The following GREM2 variants were observed in gnomAD, a reference collection of about 807,000 sequenced individuals.
The protein encoded by GREM2 is gremlin-2.
Under a neutral mutation model 14.2 loss-of-function variants are expected in GREM2, and 11 were observed. That is an observed-to-expected ratio of 0.78 (90% CI 0.49 to 1.28). The LOEUF (loss-of-function observed/expected upper bound fraction) is 1.28. GREM2 is among the 50% of genes most tolerant of loss of function. The pLI, the probability that GREM2 is intolerant of heterozygous loss-of-function variation, is 0.00. For synonymous variants in GREM2, 98 were observed against 97.6 expected (o/e 1.00, Z -0.02); for missense variants, 210 against 218.5 (o/e 0.96, Z 0.24).
At chr1:240,590,434 T>C (rs1679685327) in intron 1 of GREM2, among the ~76,000 whole-genome samples, 1 of 147,972 alleles carries the variant, frequency 6.8e-6, no homozygotes, top group Non-Finnish European at 1.5e-5. Flanking sequence ...TTTCTTTCTT[T>C]TTTTTTTTTT....
At chr1:240,597,211 A>T (rs1182921625) in intron 1 of GREM2, among the ~76,000 whole-genome samples, 4 of 152,236 alleles carry the variant, frequency 2.6e-5, no homozygotes, top group Admixed American at 2.0e-4. Context: ...TCGGGTGTGC[A>T]ACAGAGCTCA....
chr1:240,543,260 TGTC>T lies in GREM2; in HGVS notation c.-1-49787_-1-49785del, dbSNP rs1678638458. 2.0e-5 allele frequency among the ~76,000 whole-genome samples: 3 copies of T among 152,242 alleles called. No homozygotes were observed. The highest frequency in any genetic ancestry group is 1.3e-4 in the Admixed American group (2 of 15,284). ...AAATGTGTTAGGTAATCTATTAGTC[TGTC>T]GTCATGCTGCTAATAAAAAGACATA... is the stretch of plus-strand genomic sequence containing the variant. On this transcript the variant is annotated intron_variant, in intron 1 of 1. Transcript: ENST00000318160. This position sits in a 1 kb window ranked among gnomAD's most constrained non-coding sequence, Gnocchi z 6.4.
chr1:240,606,179 A>T lies in GREM2; in HGVS notation c.-2+5705T>A, dbSNP rs1199781240. On this transcript the variant is annotated intron_variant, in intron 1 of 1. Transcript: ENST00000318160. ...GCTGCAGCTGGATCTCAATAGATTC[A>T]GATCAGAAATAGTTCCTTAAGCATC... 3.3e-5 allele frequency among the ~76,000 whole-genome samples: 5 copies of T among 152,214 alleles called. No homozygotes were observed. In the East Asian group the frequency reaches 9.6e-4, roughly 29 times the overall value.
chr1:240,527,508 T>C (rs1678250288), intron 1 of GREM2, among the ~76,000 whole-genome samples: 1 of 152,226 alleles, frequency 6.6e-6, no homozygotes. Context: ...CATTTTATAA[T>C]CTGCTTCTCT....
chr1:240,532,687 A>AGATG (rs55736477), intron 1 of GREM2, among the ~76,000 whole-genome samples: 19 of 78,166 alleles, frequency 2.4e-4, no homozygotes, highest in East Asian at 1.5e-3. Context: ...ATAGATAGAT[A>AGATG]TATGGCAAGA....
Position 240,491,631 on chromosome 1 carries a change from C to T in GREM2, c.*1338G>A, listed in dbSNP as rs3748536. 2.0e-5 allele frequency: 3 copies of T among 152,544 alleles called. No homozygotes were observed. The highest frequency in any genetic ancestry group is 2.9e-5 in the Non-Finnish European group (2 of 68,012). The allele number at this position is 152,544 out of a possible 1,614,324, so 9.4% of individuals were successfully genotyped here. A position where few individuals can be genotyped will look rare whatever the true frequency, so the allele number is the denominator to read the frequency against. On this transcript the variant is annotated 3_prime_UTR_variant, in exon 2 of 2. Transcript: ENST00000318160. ...GCATGTTTTGTGCAGAACAGTTCAA[C>T]TAGATTACTATTCTATATCTTTTAT... is the stretch of plus-strand genomic sequence containing the variant.
intron 1 of GREM2, among the ~76,000 whole-genome samples, chr1:240,595,940 A>G (rs1341597824): frequency 6.6e-6 from 1 of 152,172 alleles, no homozygotes; most frequent in Non-Finnish European, 1.5e-5. Context: ...TTTCTGGAGA[A>G]CGAGGATAAC....
chr1:240,491,620 G>A lies in GREM2; in HGVS notation c.*1349C>T, dbSNP rs1044530094. On this transcript the variant is annotated 3_prime_UTR_variant, in exon 2 of 2. Coordinates refer to ENST00000318160, the MANE Select transcript of GREM2 (RefSeq NM_022469.4). Reference sequence around the variant, plus strand: ...TTGAAAAGGAAGCATGTTTTGTGCAGAACAGTTCAACTAGATTACTATTCT... The same window carrying A: ...TTGAAAAGGAAGCATGTTTTGTGCAAAACAGTTCAACTAGATTACTATTCT... The A allele has an allele frequency of 1.3e-5, 2 of 152,550 alleles. No homozygotes were observed. Among genetic ancestry groups the A allele is most frequent in the African/African-American group, 4.8e-5 (2 of 41,424 alleles). The allele number at this position is 152,550 out of a possible 1,614,324, so 9.4% of individuals were successfully genotyped here. A position where few individuals can be genotyped will look rare whatever the true frequency, so the allele number is the denominator to read the frequency against.
chr1:240,512,506 C>CTTAAAGTG (rs1558143720), intron 1 of GREM2, among the ~76,000 whole-genome samples: 2 of 30,454 alleles, frequency 6.6e-5, no homozygotes, highest in Non-Finnish European at 5.4e-5. Flanking sequence ...ATCTTGATCT[C>CTTAAAGTG]ACACATGAGC....
At chr1:240,532,208 C>T (rs368308622) in intron 1 of GREM2, among the ~76,000 whole-genome samples, 36 of 152,018 alleles carry the variant, frequency 2.4e-4, no homozygotes, top group African/African-American at 8.2e-4. Context: ...CTCAGTCTCC[C>T]GAATAGCTGG....
At chr1:240,568,398 A>G (rs1679203702) in intron 1 of GREM2, among the ~76,000 whole-genome samples, 1 of 152,184 alleles carries the variant, frequency 6.6e-6, no homozygotes, top group Non-Finnish European at 1.5e-5. Flanking sequence ...TCCAAAGAAG[A>G]CAGAAAATGA....
chr1:240,572,027 A>G (rs1467478937), intron 1 of GREM2, among the ~76,000 whole-genome samples: 1 of 152,180 alleles, frequency 6.6e-6, no homozygotes, highest in African/African-American at 2.4e-5. Flanking sequence ...TTACACCCAC[A>G]GGGCCTCATG....
chr1:240,575,156 T>G (rs1300785412), intron 1 of GREM2, among the ~76,000 whole-genome samples: 1 of 152,028 alleles, frequency 6.6e-6, no homozygotes, highest in Non-Finnish European at 1.5e-5. Flanking sequence ...AATTGATCCT[T>G]AGCGCTGCTA....
In GREM2 at chr1:240,599,004, C is replaced by T. The variant is rs138398131; in HGVS notation, c.-2+12880G>A. The stretch of plus-strand genomic sequence containing the variant: ...GAGTAAGTGGTCGGGTGTGGTGGCT[C>T]ATGCCTGTAATCTCAGCATTTTGGG... On this transcript the variant is annotated intron_variant, in intron 1 of 1. Transcript: ENST00000318160. Among the ~76,000 whole-genome samples, 1,092 of 152,234 alleles carry T rather than the reference C, an allele frequency of 7.2e-3. 7 individuals carry two copies. Among genetic ancestry groups the T allele is most frequent in the African/African-American group, 0.025 (1,048 of 41,530 alleles).
At chr1:240,524,808 A>G (rs758485883) in intron 1 of GREM2, among the ~76,000 whole-genome samples, 5 of 152,140 alleles carry the variant, frequency 3.3e-5, no homozygotes, top group African/African-American at 4.8e-5. Flanking sequence ...TTCCAAGACA[A>G]AAATAGACAT....
intron 1 of GREM2, among the ~76,000 whole-genome samples, chr1:240,562,309 T>C (rs868385928): frequency 6.6e-6 from 1 of 152,204 alleles, no homozygotes; most frequent in Non-Finnish European, 1.5e-5. Flanking sequence ...TCAACAAATC[T>C]ACAGTCGTGG....
intron 1 of GREM2, among the ~76,000 whole-genome samples, chr1:240,571,282 T>C (rs369617096): frequency 2.0e-5 from 3 of 152,334 alleles, no homozygotes; most frequent in Admixed American, 1.3e-4. Context: ...TCTAAAAGAC[T>C]GAATGACCTT....
intron 1 of GREM2, among the ~76,000 whole-genome samples, chr1:240,568,109 A>AAAAAAT (rs1458858344): frequency 2.0e-5 from 3 of 152,136 alleles, no homozygotes; most frequent in South Asian, 2.1e-4. Flanking sequence ...ACCCTGTCTC[A>AAAAAAT]AAAAATAAAA....
chr1:240,555,496 TA>T (rs1248166916), intron 1 of GREM2, among the ~76,000 whole-genome samples: 1 of 152,166 alleles, frequency 6.6e-6, no homozygotes, highest in Non-Finnish European at 1.5e-5. Flanking sequence ...CAAATATTTG[TA>T]AAAAAGTAAA....
Sources: gnomAD v4.1 joint callset for allele counts (sites outside exome capture counted in the v4.1 genomes callset) on GRCh38, gnomAD v4.1.1 for gene constraint, Gnocchi (gnomAD v3.1) non-coding constraint, MANE v1.5 for transcripts, NCBI Gene and HGNC (gene_info 2026-07-23, HGNC 2026-07-21) for gene names.